Variants in HADH observed in about 807,000 individuals in gnomAD.
The protein encoded by HADH is hydroxyacyl-CoA dehydrogenase.
HADH carries 24 observed loss-of-function variants against 32.2 expected under a neutral mutation model. The observed-to-expected ratio is 0.75, with a 90% CI of 0.54 to 1.05. The LOEUF (loss-of-function observed/expected upper bound fraction) is 1.05, where lower values mean the gene tolerates loss of function less well. Among genes scored for constraint, HADH ranks in the 50% least tolerant of loss-of-function variants. HADH has a pLI of 0.00. For synonymous variants in HADH, 139 were observed against 152.5 expected, an observed-to-expected ratio of 0.91 and a Z score of 0.65; for missense variants, 350 against 397.1, an observed-to-expected ratio of 0.88 and a Z score of 1.01.
rs990489129 is a variant in HADH at position 108,028,785 on chromosome 4, A to T, written c.709+1025A>T. On this transcript the variant is annotated intron_variant, in intron 6 of 7. Transcript: ENST00000309522. ...TTTTAACAAAATGTAATGTTTTAGA[A>T]TGTAGCATGTGAGAGATCCACCTTT... is the stretch of plus-strand genomic sequence containing the variant. 3.0e-5 allele frequency: 12 copies of T among 398,058 alleles called. No individual in the cohort carries two copies. The Admixed American group carries it at 3.5e-4, about 12-fold the overall frequency. The allele number at this position is 398,058 out of a possible 1,614,324, so 24.7% of individuals were successfully genotyped here.
chr4:107,998,432 A>G (rs976383096), intron 1 of HADH, among the ~76,000 whole-genome samples: 2 of 152,148 alleles, frequency 1.3e-5, no homozygotes, highest in Non-Finnish European at 2.9e-5. Flanking sequence ...GGCGTGCACC[A>G]CCATGCCTGG....
At chr4:108,031,830 A>C (rs1470240267) in intron 6 of HADH, 1 of 152,574 alleles carries the variant, frequency 6.6e-6, no homozygotes, top group African/African-American at 2.4e-5. Flanking sequence ...TGCCTGCTAC[A>C]TAATGAATAG....
At chr4:108,007,308 C>T (rs547335106) in intron 1 of HADH, among the ~76,000 whole-genome samples, 9 of 152,142 alleles carry the variant, frequency 5.9e-5, no homozygotes, top group South Asian at 2.1e-4. Flanking sequence ...GGGGTTTCAC[C>T]GTGTTAGCCA....
intron 1 of HADH, among the ~76,000 whole-genome samples, chr4:108,000,272 A>G (rs1735080776): frequency 6.6e-6 from 1 of 152,258 alleles, no homozygotes; most frequent in South Asian, 2.1e-4. Context: ...TCAAAATGTC[A>G]CATGTACCCC....
chr4:108,032,242 C>G, intron 6 of HADH: 1 of 734,380 alleles, frequency 1.4e-6, no homozygotes, highest in Non-Finnish European at 2.4e-6. Flanking sequence ...ACAGATTGTT[C>G]TCCATAAAGG....
intron 4 of HADH, among the ~76,000 whole-genome samples, chr4:108,022,165 A>ATGTGTGTG (rs771719177): frequency 1.8e-4 from 22 of 121,294 alleles, no homozygotes; most frequent in African/African-American, 4.4e-4. Flanking sequence ...TTACATATAT[A>ATGTGTGTG]TATGTGTGTG....
chr4:107,996,074 T>A (rs1392089735), intron 1 of HADH, among the ~76,000 whole-genome samples: 1 of 152,202 alleles, frequency 6.6e-6, no homozygotes, highest in African/African-American at 2.4e-5. Flanking sequence ...GAAGATGGGA[T>A]CACAATCAGT....
intron 3 of HADH, among the ~76,000 whole-genome samples, chr4:108,018,974 T>G (rs1418856923): frequency 6.6e-6 from 1 of 152,184 alleles, no homozygotes; most frequent in Non-Finnish European, 1.5e-5. Flanking sequence ...ACCTTAAAAT[T>G]TTTTTGAACC....
intron 1 of HADH, among the ~76,000 whole-genome samples, chr4:107,993,298 G>A (rs753921557): frequency 4.6e-5 from 7 of 152,228 alleles, no homozygotes; most frequent in Admixed American, 2.0e-4. Flanking sequence ...GCATATACCC[G>A]CTGATGCTGC....
intron 6 of HADH, chr4:108,031,725 T>TG (rs1736270849): frequency 6.6e-6 from 1 of 152,144 alleles, no homozygotes; most frequent in Admixed American, 6.5e-5. Flanking sequence ...CTTATTATGT[T>TG]GAAGTTTTTG....
chr4:107,992,584 G>T (rs1051967627), intron 1 of HADH, among the ~76,000 whole-genome samples: 3 of 152,132 alleles, frequency 2.0e-5, no homozygotes, highest in African/African-American at 7.2e-5. Flanking sequence ...TAAGAAGTTG[G>T]ATGGTCTGCA....
At chr4:108,032,762 C>A in intron 6 of HADH, 1 of 327,194 alleles carries the variant, frequency 3.1e-6, no homozygotes, top group Non-Finnish European at 5.8e-6. Flanking sequence ...ACGGGAGGAT[C>A]ACTTGAGGTT....
intron 6 of HADH, chr4:108,029,706 G>A (rs904136182): frequency 6.6e-6 from 1 of 152,418 alleles, no homozygotes; most frequent in East Asian, 1.9e-4. Context: ...GGATGACCGG[G>A]CCTCTGCCAC....
chr4:107,999,406 A>G (rs1735048967), intron 1 of HADH, among the ~76,000 whole-genome samples: 1 of 152,222 alleles, frequency 6.6e-6, no homozygotes, highest in Non-Finnish European at 1.5e-5. Flanking sequence ...TCTGCTCACC[A>G]AAATAACAGA....
chr4:107,995,024 G>C (rs1025296221), intron 1 of HADH, among the ~76,000 whole-genome samples: 3 of 152,064 alleles, frequency 2.0e-5, no homozygotes, highest in African/African-American at 7.2e-5. Context: ...CTTGCCCCTT[G>C]CTTGAGTTTC....
At chr4:108,004,730 G>C in intron 1 of HADH, 3 of 1,533,518 alleles carry the variant, frequency 2.0e-6, no homozygotes, top group Non-Finnish European at 2.6e-6. Flanking sequence ...AGAGAAGTTA[G>C]ATGGAAAAGA....
At chr4:108,004,771 A>C (rs1735236573) in intron 1 of HADH, 1 of 1,535,822 alleles carries the variant, frequency 6.5e-7, no homozygotes, top group Non-Finnish European at 8.7e-7. Flanking sequence ...GCAGCTGAAG[A>C]ACATGTGTAG....
intron 3 of HADH, 59 bp downstream of exon 3, chr4:108,014,647 A>G: frequency 1.4e-6 from 2 of 1,459,612 alleles, no homozygotes. Flanking sequence ...TTTGTTTTTC[A>G]TTTTTATTTT....
chr4:107,991,126 T>TGGCTC (rs1734785379), intron 1 of HADH, among the ~76,000 whole-genome samples: 1 of 152,216 alleles, frequency 6.6e-6, no homozygotes, highest in Non-Finnish European at 1.5e-5. Context: ...GTGCGAGTGA[T>TGGCTC]TGATTACCTG....
Sources: gnomAD v4.1 joint callset for allele counts (sites outside exome capture counted in the v4.1 genomes callset) on GRCh38, gnomAD v4.1.1 for gene constraint, MANE v1.5 for transcripts, NCBI Gene and HGNC (gene_info 2026-07-23, HGNC 2026-07-21) for gene names.